Variants in ITGA9 observed in about 807,000 individuals in gnomAD.
ITGA9 encodes integrin alpha-9.
A neutral mutation model predicts 127.8 loss-of-function variants in ITGA9; 56 were observed. The ratio of observed to expected loss-of-function variants is 0.44; its 90% CI spans 0.35 to 0.55. The LOEUF is 0.55. Ranked by LOEUF, ITGA9 falls within the 20% of genes least tolerant of loss-of-function variation. The pLI is 0.00. For missense variants in ITGA9, 1,196 were observed against 1,347.1 expected (o/e 0.89, Z 1.76); for synonymous variants, 508 against 514.5 (o/e 0.99, Z 0.17).
rs567452284 is a variant in ITGA9 at position 37,532,840 on chromosome 3, G to A, written c.1374-474G>A. ...TGGAGGTAAATGATGCAGGAGGTTT[G>A]ACCAACTGCATGGGGCTACAACATT... On this transcript the variant is annotated intron_variant, in intron 13 of 27. Transcript: ENST00000264741. Among the ~76,000 whole-genome samples, 84 of 152,336 alleles carry A rather than the reference G, an allele frequency of 5.5e-4. 2 individuals are homozygous for A. In the South Asian group the frequency reaches 0.017, roughly 31 times the overall value.
intron 27 of ITGA9, among the ~76,000 whole-genome samples, chr3:37,811,577 TCC>T (rs1372910849): frequency 1.3e-5 from 2 of 151,934 alleles, no homozygotes; most frequent in Non-Finnish European, 2.9e-5. Flanking sequence ...CTCACCCTCC[TCC>T]CCTCCCCAGC....
chr3:37,540,799 G>C (rs1019517035), intron 14 of ITGA9, among the ~76,000 whole-genome samples: 1 of 152,224 alleles, frequency 6.6e-6, no homozygotes, highest in Non-Finnish European at 1.5e-5. Context: ...AGTGTTTTCT[G>C]TGTGGGAGCA....
At chr3:37,577,991 A>C (rs2125608199) in intron 15 of ITGA9, among the ~76,000 whole-genome samples, 1 of 152,336 alleles carries the variant, frequency 6.6e-6, no homozygotes, top group African/African-American at 2.4e-5. Context: ...CTTTTTAAAA[A>C]ATAATGTAGT....
intron 4 of ITGA9, among the ~76,000 whole-genome samples, chr3:37,493,700 A>G (rs174830): frequency 0.51 from 77,562 of 152,016 alleles, 21,013 homozygotes; most frequent in East Asian, 0.8. Flanking sequence ...CTGAGCCTCA[A>G]TATTCTTACC....
chr3:37,783,503 G>T (rs932614669), intron 25 of ITGA9, among the ~76,000 whole-genome samples: 1 of 151,954 alleles, frequency 6.6e-6, no homozygotes, highest in African/African-American at 2.4e-5. Context: ...ACCATGACAG[G>T]TGAATTTTTT....
chr3:37,475,423 G>A (rs1290141244), intron 3 of ITGA9, among the ~76,000 whole-genome samples: 2 of 152,212 alleles, frequency 1.3e-5, no homozygotes, highest in Non-Finnish European at 2.9e-5. Context: ...AGAGGGGCAA[G>A]ACAGAATTCT....
intron 4 of ITGA9, among the ~76,000 whole-genome samples, chr3:37,493,592 A>G (rs1228274203): frequency 1.3e-5 from 2 of 152,230 alleles, no homozygotes; most frequent in East Asian, 3.8e-4. Flanking sequence ...GATGGTCTAC[A>G]GAAGTGAAGG....
chr3:37,725,037 T>A (rs960148550), intron 18 of ITGA9, among the ~76,000 whole-genome samples: 1 of 152,154 alleles, frequency 6.6e-6, no homozygotes, highest in African/African-American at 2.4e-5. Flanking sequence ...ACTTCTCAGA[T>A]CCCATCTGCC....
At position 37,691,114 on chromosome 3, in the gene ITGA9, G is replaced by T. The variant is rs139273218; in HGVS notation, c.2067+7099G>T. Among the ~76,000 whole-genome samples, 177 of 152,328 alleles carry T rather than the reference G, an allele frequency of 1.2e-3. No individual in the cohort carries two copies. The Middle Eastern group carries it at 0.02, about 18-fold the overall frequency. On this transcript the variant is annotated intron_variant, in intron 18 of 27. Transcript: ENST00000264741. The stretch of plus-strand genomic sequence containing the variant: ...TACATGGTTTTGGAAAAATGCTCTT[G>T]GGTGCAGAGATGCCGTAATATAGCC...
intron 6 of ITGA9, 102 bp downstream of exon 6, chr3:37,503,409 C>A: frequency 7.6e-7 from 1 of 1,310,764 alleles, no homozygotes; most frequent in Non-Finnish European, 1.1e-6. Flanking sequence ...AGTTAGTTGG[C>A]TTTGACGCCT....
intron 15 of ITGA9, among the ~76,000 whole-genome samples, chr3:37,550,554 T>C (rs989307919): frequency 6.6e-6 from 1 of 152,224 alleles, no homozygotes; most frequent in Non-Finnish European, 1.5e-5. Context: ...CAATGAGACA[T>C]CACTGAATGT....
intron 15 of ITGA9, among the ~76,000 whole-genome samples, chr3:37,619,209 C>T (rs1185853184): frequency 6.6e-6 from 1 of 152,204 alleles, no homozygotes; most frequent in East Asian, 1.9e-4. Flanking sequence ...CCATGCCTCT[C>T]CACTACTGAT....
intron 11 of ITGA9, 63 bp from the exon 12 acceptor site, chr3:37,523,458 C>G (rs1699063945): frequency 2.4e-6 from 3 of 1,265,530 alleles, no homozygotes; most frequent in Non-Finnish European, 3.5e-6. Context: ...ATAAAGCAGT[C>G]ACAGTTCTTA....
chr3:37,711,475 C>T (rs1048363143), intron 18 of ITGA9, among the ~76,000 whole-genome samples: 23 of 152,218 alleles, frequency 1.5e-4, no homozygotes, highest in African/African-American at 5.5e-4. Flanking sequence ...AGAATCATAG[C>T]TCACTGTAAC....
intron 18 of ITGA9, among the ~76,000 whole-genome samples, chr3:37,693,841 G>C (rs1034912885): frequency 6.6e-6 from 1 of 152,166 alleles, no homozygotes; most frequent in African/African-American, 2.4e-5. Flanking sequence ...CTTTCATTCA[G>C]CGCAGGGACT....
chr3:37,460,552 T>C (rs11707280), intron 1 of ITGA9, among the ~76,000 whole-genome samples: 2 of 152,158 alleles, frequency 1.3e-5, no homozygotes, highest in African/African-American at 2.4e-5. Context: ...ATATCTCATG[T>C]ACCTCATAAA....
intron 18 of ITGA9, among the ~76,000 whole-genome samples, chr3:37,721,173 G>T (rs923537334): frequency 6.9e-6 from 1 of 144,364 alleles, no homozygotes; most frequent in African/African-American, 2.6e-5. Flanking sequence ...CCAGGCTGGA[G>T]TGCAGTGGTG....
rs547834905 is a variant in ITGA9 at position 37,660,584 on chromosome 3, C to G, written c.1916+6794C>G. Among the ~76,000 whole-genome samples, 3 of 152,314 alleles carry G rather than the reference C, an allele frequency of 2.0e-5. No individual in the cohort carries two copies. In the East Asian group the frequency reaches 5.8e-4, roughly 29 times the overall value. ...TTCAAGTGTGGTCAGAGCTAGTTAT[C>G]CTCTGTGGGCCCAGTAATCAATAAT... is the stretch of plus-strand genomic sequence containing the variant. On this transcript the variant is annotated intron_variant, in intron 17 of 27. Transcript: ENST00000264741.
At chr3:37,590,146 C>G (rs1229632330) in intron 15 of ITGA9, among the ~76,000 whole-genome samples, 1 of 152,162 alleles carries the variant, frequency 6.6e-6, no homozygotes, top group Admixed American at 6.5e-5. Context: ...TTTGGGAGTT[C>G]AGGACACAGG....
Sources: gnomAD v4.1 joint callset for allele counts (sites outside exome capture counted in the v4.1 genomes callset) on GRCh38, gnomAD v4.1.1 for gene constraint, MANE v1.5 for transcripts, NCBI Gene and HGNC (gene_info 2026-07-23, HGNC 2026-07-21) for gene names.